The following MEGF10 variants were observed in gnomAD, a reference collection of about 807,000 sequenced individuals.
MEGF10 encodes the protein multiple EGF like domains 10.
Under a neutral mutation model 147.5 loss-of-function variants are expected in MEGF10, and 86 were observed. That is an observed-to-expected ratio of 0.58 (90% CI 0.49 to 0.70). The LOEUF (loss-of-function observed/expected upper bound fraction) is 0.70. Ranked by LOEUF, MEGF10 falls within the 30% of genes least tolerant of loss-of-function variation. The pLI is 0.00. For synonymous variants in MEGF10, 478 were observed against 525.5 expected, an observed-to-expected ratio of 0.91 and a Z score of 1.24; for missense variants, 1,329 against 1,487.3, an observed-to-expected ratio of 0.89 and a Z score of 1.75.
the MEGF10 span, among the ~76,000 whole-genome samples, chr5:127,244,052 T>C: frequency 6.6e-6 from 1 of 151,694 alleles, no homozygotes; most frequent in South Asian, 2.1e-4. Flanking sequence ...CAAAATTAGC[T>C]GGGCATGGTG....
chr5:127,255,139 G>A, the MEGF10 span, among the ~76,000 whole-genome samples: 1 of 152,076 alleles, frequency 6.6e-6, no homozygotes, highest in African/African-American at 2.4e-5. Context: ...GGGGCTGCAG[G>A]ACTGGTTGAA....
chr5:127,372,388 C>T (rs951426982), intron 5 of MEGF10, among the ~76,000 whole-genome samples: 2 of 152,154 alleles, frequency 1.3e-5, no homozygotes, highest in African/African-American at 4.8e-5. Context: ...ACCCAGTCTC[C>T]CCCATTGTTA....
intron 1 of MEGF10, among the ~76,000 whole-genome samples, chr5:127,305,405 A>C (rs1186420964): frequency 6.6e-6 from 1 of 152,186 alleles, no homozygotes; most frequent in Non-Finnish European, 1.5e-5. Flanking sequence ...GAGGCCTGCC[A>C]GTGAGGAAAC....
intron 7 of MEGF10, among the ~76,000 whole-genome samples, chr5:127,402,003 A>G (rs1764152536): frequency 6.6e-6 from 1 of 152,222 alleles, no homozygotes; most frequent in Non-Finnish European, 1.5e-5. Flanking sequence ...GTCTTCGGCA[A>G]TGTGATTGTT....
At chr5:127,247,384 AAGAAGAAGAAGAAGAAGAAGAAGAAG>A in the MEGF10 span, among the ~76,000 whole-genome samples, 4 of 25,354 alleles carry the variant, frequency 1.6e-4, 1 homozygote, top group Non-Finnish European at 3.0e-4. Flanking sequence ...GAAGAAGAAG[AAGAAGAAGAAGAAGAAGAAGAAGAAG>A]AAGAAGAAGA....
chr5:127,442,798 G>T (rs1580876556), intron 18 of MEGF10, among the ~76,000 whole-genome samples, 200 bp from the exon 19 acceptor site: 3 of 152,302 alleles, frequency 2.0e-5, no homozygotes, highest in East Asian at 3.9e-4. Context: ...CCTGTCTCTA[G>T]CCCTGTGCAG....
At chr5:127,406,437 A>T (rs1764328347) in intron 8 of MEGF10, among the ~76,000 whole-genome samples, 1 of 152,226 alleles carries the variant, frequency 6.6e-6, no homozygotes, top group Non-Finnish European at 1.5e-5. Flanking sequence ...TGTACACAAC[A>T]AACACATTTG....
chr5:127,252,746 A>T, the MEGF10 span, among the ~76,000 whole-genome samples: 2 of 151,990 alleles, frequency 1.3e-5, no homozygotes, highest in Non-Finnish European at 2.9e-5. Context: ...ATGAAAGTCC[A>T]CTTATACACA....
chr5:127,398,663 G>T lies in MEGF10; in HGVS notation c.660-13G>T, dbSNP rs371011498. The T allele has an allele frequency of 5.6e-6, 9 of 1,614,058 alleles. No homozygotes were observed. In the African/African-American group the frequency reaches 9.3e-5, roughly 17 times the overall value. ...GAAATAACAGTGTCCTTTGTCACAT[G>T]TTAATCCCTCAGCTGTGAGGATCTT... On this transcript the variant is annotated splice_polypyrimidine_tract_variant and intron_variant, in intron 6 of 24. Coordinates refer to ENST00000503335, the MANE Select transcript of MEGF10 (RefSeq NM_001256545.2).
At chr5:127,330,167 A>G (rs1399967799) in intron 1 of MEGF10, among the ~76,000 whole-genome samples, 1 of 152,028 alleles carries the variant, frequency 6.6e-6, no homozygotes, top group Non-Finnish European at 1.5e-5. Context: ...TCCGCATCCT[A>G]AAAATCTCCC....
At chr5:127,277,206 G>C in the MEGF10 span, among the ~76,000 whole-genome samples, 1 of 152,200 alleles carries the variant, frequency 6.6e-6, no homozygotes, top group Non-Finnish European at 1.5e-5. Flanking sequence ...TTTGGATGTA[G>C]ATGGCTCCTA....
At chr5:127,339,526 C>T (rs376765208) in intron 3 of MEGF10, among the ~76,000 whole-genome samples, 59 of 152,116 alleles carry the variant, frequency 3.9e-4, no homozygotes, top group African/African-American at 1.4e-3. Flanking sequence ...CTATGGACAG[C>T]AGCAGATGTC....
chr5:127,345,985 A>G (rs577888400), intron 4 of MEGF10, among the ~76,000 whole-genome samples: 194 of 152,286 alleles, frequency 1.3e-3, no homozygotes, highest in African/African-American at 4.5e-3. Flanking sequence ...ACTTAGAATA[A>G]CGGTTCCCAA....
Position 127,349,261 on chromosome 5 carries a change from A to C in MEGF10, c.319+8631A>C, listed in dbSNP as rs539297304. On this transcript the variant is annotated intron_variant, in intron 4 of 24. Transcript: ENST00000503335. ...GTTGAAAGATAGTTACCTTCTAAGCATCACCTCATAATTTTTGGTTTAATT... is the reference window on the plus strand; with the variant it reads ...GTTGAAAGATAGTTACCTTCTAAGCCTCACCTCATAATTTTTGGTTTAATT... Among the ~76,000 whole-genome samples, 348 of 152,264 alleles carry C rather than the reference A, an allele frequency of 2.3e-3. 1 individual carries two copies. The highest frequency in any genetic ancestry group is 4.0e-3 in the Non-Finnish European group (270 of 67,990).
intron 4 of MEGF10, among the ~76,000 whole-genome samples, chr5:127,343,791 A>T (rs1203586559): frequency 6.6e-6 from 1 of 152,038 alleles, no homozygotes; most frequent in Non-Finnish European, 1.5e-5. Flanking sequence ...TCTCTTAAAA[A>T]AAAAAAGTCA....
the MEGF10 span, among the ~76,000 whole-genome samples, chr5:127,269,233 A>T: frequency 6.6e-6 from 1 of 152,252 alleles, no homozygotes; most frequent in African/African-American, 2.4e-5. Context: ...ACAAAGCTGG[A>T]TGGAGAATGA....
chr5:127,346,094 TCTTTA>T (rs1761875727), intron 4 of MEGF10, among the ~76,000 whole-genome samples: 1 of 152,190 alleles, frequency 6.6e-6, no homozygotes, highest in Non-Finnish European at 1.5e-5. Flanking sequence ...TGTCACATTT[TCTTTA>T]CTTGTTGATT....
At chr5:127,356,075 C>A (rs1258078518) in intron 4 of MEGF10, among the ~76,000 whole-genome samples, 1 of 152,134 alleles carries the variant, frequency 6.6e-6, no homozygotes, top group South Asian at 2.1e-4. Context: ...TTTTATTGTA[C>A]TATGGTTCAA....
intron 2 of MEGF10, among the ~76,000 whole-genome samples, chr5:127,334,245 C>T (rs941129668): frequency 6.6e-6 from 1 of 152,054 alleles, no homozygotes; most frequent in Non-Finnish European, 1.5e-5. Context: ...ATTTTAAGCT[C>T]TTCTTATGCT....
Sources: allele counts gnomAD v4.1 joint callset (sites outside exome capture counted in the v4.1 genomes callset), GRCh38; gene constraint gnomAD v4.1.1; transcripts MANE v1.5; gene names NCBI Gene and HGNC (gene_info 2026-07-23, HGNC 2026-07-21).